Variants in SGSH observed in about 807,000 individuals in gnomAD.
SGSH encodes heparan sulfate sulfatase.
In SGSH, 48 loss-of-function variants were observed where a neutral mutation model predicts 51.0. The observed-to-expected ratio is 0.94, with a 90% CI of 0.75 to 1.20. The LOEUF (loss-of-function observed/expected upper bound fraction) is 1.20, where lower values mean the gene tolerates loss of function less well. Ranked by LOEUF, SGSH falls within the 50% of genes most tolerant of loss-of-function variation. The pLI is 0.00. For synonymous variants in SGSH, 321 were observed against 313.4 expected (o/e 1.02, Z -0.26); for missense variants, 662 against 717.8 (o/e 0.92, Z 0.89).
chr17:80,214,758 G>A lies in SGSH; in HGVS notation c.363C>T (p.Ile121=), dbSNP rs2041824137. ...TCTCCGGCCCCACGTGCTTCTTCCC[G>A]ATGATGCCTGGGCGGGAAGAGAGGC... ...LSQAGVRTGI[I]GKKHVGPETV... is the part of the protein sequence containing the mutation. Residue 121 remains isoleucine, a synonymous_variant, in exon 4 of 8, where the codon ATC becomes ATT. Transcript: ENST00000326317. 11 of 1,611,564 alleles carry A rather than the reference G, an allele frequency of 6.8e-6. No individual in the cohort carries two copies. Among genetic ancestry groups the A allele is most frequent in the African/African-American group, 2.7e-5 (2 of 74,910 alleles).
rs564208553 is a variant in SGSH, at chr17:80,214,943, C to T, written c.355+90G>A. The T allele has an allele frequency of 1.6e-4, 208 of 1,314,038 alleles. No individual in the cohort carries two copies. In the East Asian group the frequency reaches 3.8e-3, roughly 24 times the overall value. The allele number at this position is 1,314,038 out of a possible 1,614,324, so 81.4% of individuals were successfully genotyped here. On this transcript the variant is annotated intron_variant, in intron 3 of 7. Transcript: ENST00000326317. The stretch of plus-strand genomic sequence containing the variant: ...CTAAGGGCAGGCCACGGGGGCTGAG[C>T]GTGCCTTGGTACAAGGTGCCGAACC...
chr17:80,203,876 G>A (rs777889815), downstream of SGSH: 36 of 1,595,960 alleles, frequency 2.3e-5, no homozygotes, highest in Non-Finnish European at 3.1e-5. The surrounding 1 kb of genome is among the most constrained non-coding windows in gnomAD (Gnocchi z 4.6). Flanking sequence ...AGTGCACCGT[G>A]ACCCGCAAGG....
Position 80,217,336 on chromosome 17 carries a change from G to A in SGSH, c.89-144C>T, listed in dbSNP as rs116726024. 1,779 of 918,504 alleles carry A rather than the reference G, an allele frequency of 1.9e-3. 24 individuals are homozygous for A. In the African/African-American group the frequency reaches 0.024, roughly 13 times the overall value. 56.9% of individuals were successfully genotyped at this position (918,504 alleles called of 1,614,324 possible). ...CTGGCTCAGTGTGAACACTCAGCGC[G>A]AAATGCTATCGTGACAGAGCACTCC... is the stretch of plus-strand genomic sequence containing the variant. On this transcript the variant is annotated intron_variant, in intron 1 of 7. Transcript: ENST00000326317.
downstream of SGSH, chr17:80,204,498 C>G: frequency 1.6e-6 from 1 of 643,926 alleles, no homozygotes; most frequent in Non-Finnish European, 2.5e-6. Flanking sequence ...GTGGCGCACA[C>G]CTGTAATCCC....
intron 3 of SGSH, 75 bp downstream of exon 3, chr17:80,214,958 G>T: frequency 7.2e-7 from 1 of 1,396,808 alleles, no homozygotes; most frequent in African/African-American, 1.4e-5. Context: ...CTTGGTACAA[G>T]GTGCCGAACC....
At chr17:80,208,591 C>T (rs1482971986), downstream of SGSH, 2 of 441,098 alleles carry the variant, frequency 4.5e-6, no homozygotes, top group Non-Finnish European at 4.0e-6. Context: ...ATGGTCTGAA[C>T]TGGAAACCCT....
At chr17:80,200,874 T>G in the SGSH span, 64,022 of 152,290 alleles carry the variant, frequency 0.42, 14,000 homozygotes, top group Non-Finnish European at 0.5. Context: ...GATCCCTCAC[T>G]TGCACAGTTC....
downstream of SGSH, chr17:80,203,584 A>C: frequency 4.2e-6 from 2 of 471,724 alleles, no homozygotes; most frequent in East Asian, 3.5e-5. The surrounding 1 kb of genome is among the most constrained non-coding windows in gnomAD (Gnocchi z 4.6). Context: ...GCCCCAGGAC[A>C]AGTAAATCAG....
chr17:80,210,418 T>C lies in SGSH; in HGVS notation c.*34A>G. 6.4e-7 allele frequency: 1 copy of C among 1,560,248 alleles called. No individual in the cohort carries two copies. ...ACACGTGTGGGATGTGTCTGGGACA[T>C]GCCTGGGATGTGTGCACAGGCCTCC... is the stretch of plus-strand genomic sequence containing the variant. On this transcript the variant is annotated 3_prime_UTR_variant, in exon 8 of 8. Coordinates refer to ENST00000326317, the MANE Select transcript of SGSH (RefSeq NM_000199.5).
chr17:80,210,702 G>A lies in SGSH; in HGVS notation c.1259C>T (p.Pro420Leu), dbSNP rs150222010. The change falls in exon 8 of 8, where the codon CCC (proline) becomes CTC (leucine). Residue 420 changes from proline to leucine, a missense_variant. Pro to Leu is a moderately conservative substitution (Grantham distance 98, BLOSUM62 -3). Coordinates refer to ENST00000326317, the MANE Select transcript of SGSH (RefSeq NM_000199.5). ...ACGGAGGTCCTTGTACCAGCCCGTG[G>A]GCTGACCAGCTGTGGTGCGGTTCAG... ...DLLNRTTAGQ[P>L]TGWYKDLRHY... 5.6e-5 allele frequency: 90 copies of A among 1,613,962 alleles called. No individual in the cohort carries two copies. Among genetic ancestry groups the A allele is most frequent in the Non-Finnish European group, 7.2e-5 (85 of 1,180,046 alleles).
At chr17:80,220,084 G>C in intron 1 of SGSH, 142 bp downstream of exon 1, 5 of 593,830 alleles carry the variant, frequency 8.4e-6, no homozygotes, top group Non-Finnish European at 1.4e-5. Context: ...GCGGCACAGA[G>C]AGGAGGACGA....
chr17:80,205,945 C>A, downstream of SGSH: 1 of 269,680 alleles, frequency 3.7e-6, no homozygotes, highest in Non-Finnish European at 7.0e-6. Context: ...ACACTCTCCA[C>A]GTTTGAAGGC....
At chr17:80,215,167 GC>G in intron 2 of SGSH, 29 bp from the exon 3 acceptor site, 2 of 1,557,090 alleles carry the variant, frequency 1.3e-6, no homozygotes, top group Non-Finnish European at 1.8e-6. Flanking sequence ...GAGGTCCGGG[GC>G]CCCCGGACAG....
chr17:80,212,584 G>A lies in SGSH; in HGVS notation c.746-310C>T, dbSNP rs2041713102. The stretch of plus-strand genomic sequence containing the variant: ...CGGCTTTTGAGTTCTCCGGAATCTC[G>A]TGTCTGTCCCATGGAGCAAATAGGG... On this transcript the variant is annotated intron_variant, in intron 6 of 7. Transcript: ENST00000326317. This position sits in a 1 kb window ranked among gnomAD's most constrained non-coding sequence, Gnocchi z 5.9. 2.0e-5 allele frequency: 9 copies of A among 452,740 alleles called. No homozygotes were observed. Among genetic ancestry groups the A allele is most frequent in the South Asian group, 1.4e-4 (7 of 48,814 alleles). The allele number at this position is 452,740 out of a possible 1,614,324, so 28.0% of individuals were successfully genotyped here. A position where few individuals can be genotyped will look rare whatever the true frequency, so the allele number is the denominator to read the frequency against.
At chr17:80,205,903 T>C (rs1300161147), downstream of SGSH, 1 of 403,190 alleles carries the variant, frequency 2.5e-6, no homozygotes, top group African/African-American at 2.1e-5. Context: ...TTAATAGATA[T>C]TTGTTCGAGA....
the SGSH span, chr17:80,201,659 G>A: frequency 1.6e-5 from 24 of 1,485,604 alleles, no homozygotes; most frequent in South Asian, 4.5e-5. This position sits in a 1 kb window ranked among gnomAD's most constrained non-coding sequence, Gnocchi z 5.0. Flanking sequence ...CCCGCGCCTC[G>A]CCTCAGTGCC....
At chr17:80,202,658 T>A (rs2144470985), downstream of SGSH, 2 of 1,353,598 alleles carry the variant, frequency 1.5e-6, no homozygotes, top group South Asian at 3.2e-5. Flanking sequence ...TTCTTAGCTC[T>A]GGGTTTCTTA....
downstream of SGSH, chr17:80,204,218 C>T (rs1468993176): frequency 1.9e-6 from 3 of 1,578,816 alleles, no homozygotes; most frequent in African/African-American, 2.7e-5. Flanking sequence ...TTCTCTGTCC[C>T]TCCTTTAGCC....
chr17:80,209,120 T>C (rs1195644702), downstream of SGSH: 3 of 178,620 alleles, frequency 1.7e-5, no homozygotes, highest in Non-Finnish European at 3.3e-5. Context: ...GGGCCAAACA[T>C]CTTTACTCCA....
Sources: gnomAD v4.1 joint callset for allele counts on GRCh38, gnomAD v4.1.1 for gene constraint, Gnocchi (gnomAD v3.1) non-coding constraint, MANE v1.5 for transcripts, NCBI Gene and HGNC (gene_info 2026-07-23, HGNC 2026-07-21) for gene names.